ZNF600: variants seen among roughly 807,000 people sequenced by gnomAD.
ZNF600 encodes the protein zinc finger protein 600.
Under a neutral mutation model 7.3 loss-of-function variants are expected in ZNF600, and 4 were observed. The ratio of observed to expected loss-of-function variants is 0.55; its 90% CI spans 0.27 to 1.25. The LOEUF (loss-of-function observed/expected upper bound fraction) is 1.25, where lower values mean the gene tolerates loss of function less well. Ranked by LOEUF, ZNF600 falls within the 50% of genes most tolerant of loss-of-function variation. The pLI, the probability that ZNF600 is intolerant of heterozygous loss-of-function variation, is 0.12. For missense variants in ZNF600, 911 were observed against 922.1 expected (o/e 0.99, Z 0.16); for synonymous variants, 290 against 308.9 (o/e 0.94, Z 0.64).
chr19:52,821,938 A>AG, the ZNF600 span, among the ~76,000 whole-genome samples: 355 of 148,606 alleles, frequency 2.4e-3, 3 homozygotes, highest in African/African-American at 7.7e-3. Flanking sequence ...ATAATAAAAA[A>AG]AAAATTTGCT....
At chr19:52,809,475 T>TGAGGGTG in the ZNF600 span, among the ~76,000 whole-genome samples, 2 of 152,032 alleles carry the variant, frequency 1.3e-5, no homozygotes, top group African/African-American at 4.8e-5. Flanking sequence ...GGCGTCTACT[T>TGAGGGTG]GAGGGTGGAG....
the ZNF600 span, among the ~76,000 whole-genome samples, chr19:52,796,873 T>C: frequency 6.6e-6 from 1 of 152,220 alleles, no homozygotes; most frequent in Non-Finnish European, 1.5e-5. Flanking sequence ...TGCCTCAAAC[T>C]AGACCCTGTT....
At chr19:52,830,769 G>A in the ZNF600 span, among the ~76,000 whole-genome samples, 2 of 150,962 alleles carry the variant, frequency 1.3e-5, no homozygotes, top group Non-Finnish European at 2.9e-5. Flanking sequence ...GCTGGTATTT[G>A]CATCCAGATC....
At chr19:52,809,189 C>T in the ZNF600 span, among the ~76,000 whole-genome samples, 6 of 152,240 alleles carry the variant, frequency 3.9e-5, no homozygotes, top group South Asian at 1.2e-3. Context: ...AATGCCCCAT[C>T]CTAGAAGAAG....
At chr19:52,774,433 C>CA (rs1387402176) in intron 3 of ZNF600, 142 bp downstream of exon 5, 8 of 855,900 alleles carry the variant, frequency 9.3e-6, no homozygotes, top group African/African-American at 7.2e-5. Context: ...CCATCTCAAA[C>CA]AAAAAAACAA....
chr19:52,776,170 C>T (rs1270634838), intron 2 of ZNF600, among the ~76,000 whole-genome samples: 4 of 149,822 alleles, frequency 2.7e-5, no homozygotes, highest in African/African-American at 9.9e-5. Context: ...GTGCATCACA[C>T]ATACTAGGAA....
chr19:52,809,822 A>AGGCAGCGTC, the ZNF600 span: 2 of 527,246 alleles, frequency 3.8e-6, no homozygotes, highest in Non-Finnish European at 6.7e-6. Context: ...TGAGCGGCGA[A>AGGCAGCGTC]GGCGGCGGCG....
chr19:52,811,500 C>CGGCCGCCCA, the ZNF600 span, among the ~76,000 whole-genome samples: 1 of 146,696 alleles, frequency 6.8e-6, no homozygotes, highest in Admixed American at 6.8e-5. Context: ...CGTCTCTGCC[C>CGGCCGCCCA]GGCCGCCCAT....
At chr19:52,769,355 A>G (rs1031713096) in intron 3 of ZNF600, among the ~76,000 whole-genome samples, 2 of 152,158 alleles carry the variant, frequency 1.3e-5, no homozygotes, top group Admixed American at 6.5e-5. Context: ...TGCCTTCTAG[A>G]TAACAGTAGC....
At chr19:52,791,774 G>A (rs771100182), upstream of ZNF600, among the ~76,000 whole-genome samples, 22 of 152,056 alleles carry the variant, frequency 1.4e-4, no homozygotes, top group Non-Finnish European at 2.2e-4. Context: ...TTCAGATCTC[G>A]CCCCCCTCCT....
chr19:52,797,756 A>C, the ZNF600 span: 13 of 152,492 alleles, frequency 8.5e-5, no homozygotes, highest in Non-Finnish European at 1.8e-4. Context: ...AGTATTGCTC[A>C]ATGATTATAT....
At chr19:52,772,261 T>C (rs1018225974) in intron 3 of ZNF600, among the ~76,000 whole-genome samples, 1 of 151,876 alleles carries the variant, frequency 6.6e-6, no homozygotes, top group African/African-American at 2.4e-5. Context: ...TGAGCTGAGA[T>C]TGAACCAATG....
exon 4 of ZNF600, chr19:52,765,582 T>C (rs372887600): frequency 4.5e-5 from 72 of 1,613,548 alleles, no homozygotes; most frequent in Non-Finnish European, 5.8e-5. Flanking sequence ...GTGACAATCA[T>C]TACATTAGTC....
intron 1 of ZNF600, among the ~76,000 whole-genome samples, chr19:52,782,032 G>A (rs1251192202): frequency 1.3e-5 from 2 of 152,088 alleles, no homozygotes; most frequent in Non-Finnish European, 2.9e-5. Context: ...CTGCACTCCA[G>A]CCTGGGTGAC....
At chr19:52,815,550 C>T in the ZNF600 span, among the ~76,000 whole-genome samples, 8 of 145,642 alleles carry the variant, frequency 5.5e-5, no homozygotes, top group South Asian at 2.3e-4. Context: ...ACTGTCTGGG[C>T]GTGGTGGCTC....
chr19:52,816,834 A>AAAT, the ZNF600 span, among the ~76,000 whole-genome samples: 70,018 of 137,954 alleles, frequency 0.51, 18,411 homozygotes, highest in Non-Finnish European at 0.61. Flanking sequence ...CCGTTTCAGA[A>AAAT]AATAATAATA....
chr19:52,772,126 A>T (rs2062634852), intron 3 of ZNF600, among the ~76,000 whole-genome samples: 1 of 152,210 alleles, frequency 6.6e-6, no homozygotes, highest in African/African-American at 2.4e-5. Flanking sequence ...CAGCCTGACC[A>T]ATATGGAGAA....
At chr19:52,810,002 G>T in the ZNF600 span, 28 of 760,468 alleles carry the variant, frequency 3.7e-5, no homozygotes, top group Admixed American at 5.6e-4. Context: ...AGCCTGAGGA[G>T]CTGCTGTTGG....
upstream of ZNF600, among the ~76,000 whole-genome samples, chr19:52,787,446 G>A (rs377765129): frequency 4.2e-3 from 544 of 130,570 alleles, 14 homozygotes; most frequent in East Asian, 0.055. Flanking sequence ...TCGCTGTGTC[G>A]CCCAGGCTGG....
Sources: gnomAD v4.1 joint callset for allele counts (sites outside exome capture counted in the v4.1 genomes callset) on GRCh38, gnomAD v4.1.1 for gene constraint, MANE v1.5 for transcripts, NCBI Gene and HGNC (gene_info 2026-07-23, HGNC 2026-07-21) for gene names.